The following LSS variants were observed in gnomAD, a reference collection of about 807,000 sequenced individuals.
LSS encodes 2,3-epoxysqualene-lanosterol cyclase.
In LSS, 90 loss-of-function variants were observed where a neutral mutation model predicts 110.3. The observed-to-expected ratio is 0.82, with a 90% confidence interval of 0.69 to 0.97. The LOEUF (loss-of-function observed/expected upper bound fraction) is 0.97, where lower values mean the gene tolerates loss of function less well. Among genes scored for constraint, LSS ranks in the 50% least tolerant of loss-of-function variants. The probability of loss-of-function intolerance (pLI) is 0.00; values close to 1 mark genes in which losing one functional copy is unlikely to be tolerated. For missense variants in LSS, 927 were observed against 990.0 expected (o/e 0.94, Z 0.85); for synonymous variants, 433 against 400.0 (o/e 1.08, Z -0.98).
At chr21:46,207,831 G>T (rs983444449) in intron 14 of LSS, among the ~76,000 whole-genome samples, 1 of 152,200 alleles carries the variant, frequency 6.6e-6, no homozygotes, top group Non-Finnish European at 1.5e-5. Flanking sequence ...ACAGGATGGG[G>T]CCCAGGTGCC....
In LSS at chr21:46,215,187, A is replaced by G; in HGVS notation, c.1004T>C (p.Ile335Thr). 6.2e-7 allele frequency: 1 copy of G among 1,609,856 alleles called. No homozygotes were observed. Residue 335 changes from isoleucine (I) to threonine (T), a missense_variant, in exon 9 of 22, where the codon ATC (isoleucine) becomes ACC (threonine). By Grantham distance (89) the Ile-to-Thr change is moderately conservative. Transcript: ENST00000397728. ...CCGGGCAGGGGCACTGACCGGGCCG[A>G]TGCTGATGCTCTTGGTGAATCGGTC... ...ADDRFTKSIS[I>T]GPISKTINML...
At chr21:46,192,004 A>C in intron 20 of LSS, 45 bp from the exon 21 acceptor site, 2 of 1,377,886 alleles carry the variant, frequency 1.5e-6, no homozygotes, top group East Asian at 4.6e-5. Flanking sequence ...GCATGCCCCC[A>C]CAGCATCATC....
In LSS at chr21:46,223,860, G is replaced by A. The variant is rs1215958832; in HGVS notation, c.320-1122C>T. 2.6e-5 allele frequency among the ~76,000 whole-genome samples: 4 copies of A among 152,192 alleles called. No homozygotes were observed. In the South Asian group the frequency reaches 8.3e-4, roughly 31 times the overall value. On this transcript the variant is annotated intron_variant, in intron 3 of 21. Transcript: ENST00000397728. ...TCTGGGAAGACGCCCGTTGCCGAGCGGACGGTGGTCTAGCGGTAGCGAAAA... is the reference window on the plus strand; with the variant it reads ...TCTGGGAAGACGCCCGTTGCCGAGCAGACGGTGGTCTAGCGGTAGCGAAAA...
chr21:46,223,216 A>C (rs1024379987), intron 3 of LSS, among the ~76,000 whole-genome samples: 3 of 152,290 alleles, frequency 2.0e-5, no homozygotes, highest in South Asian at 4.1e-4. Context: ...CTGTTTCAAA[A>C]TTTTTTTACA....
At chr21:46,205,617 T>G (rs952943101) in intron 17 of LSS, among the ~76,000 whole-genome samples, 3 of 152,134 alleles carry the variant, frequency 2.0e-5, no homozygotes, top group African/African-American at 4.8e-5. Context: ...AGAGAGAAAA[T>G]CCATTTTTGT....
intron 3 of LSS, chr21:46,225,421 A>T: frequency 2.2e-6 from 1 of 449,268 alleles, no homozygotes; most frequent in Non-Finnish European, 4.4e-6. Context: ...TCAAGGAAAA[A>T]CACCCGCTAC....
chr21:46,221,823 C>T (rs2080282634), intron 5 of LSS, 31 bp downstream of exon 5: 1 of 1,613,326 alleles, frequency 6.2e-7, no homozygotes, highest in Non-Finnish European at 8.5e-7. Context: ...GACACGAACC[C>T]CTGGCCCAGC....
intron 12 of LSS, among the ~76,000 whole-genome samples, chr21:46,210,121 C>T: frequency 7.3e-6 from 1 of 137,108 alleles, no homozygotes. Context: ...GGCTGGAGTG[C>T]AGTGGCACAA....
At chr21:46,214,105 G>A (rs1170395739) in intron 9 of LSS, among the ~76,000 whole-genome samples, 1 of 152,218 alleles carries the variant, frequency 6.6e-6, no homozygotes, top group Non-Finnish European at 1.5e-5. Context: ...CCACCAGGGA[G>A]AAGCGAGGGG....
At position 46,196,271 on chromosome 21, in the gene LSS, G is replaced by A; in HGVS notation, c.1671-4C>T. 1 of 1,613,908 alleles carries A rather than the reference G, an allele frequency of 6.2e-7. No individual in the cohort carries two copies. ...TAAGCCCTGCGTGAGGGTCTCCCTG[G>A]AACACGAGATTGGTCCAGTGAACAT... On this transcript the variant is annotated splice_region_variant and splice_polypyrimidine_tract_variant and intron_variant, in intron 17 of 21. Transcript: ENST00000397728.
At chr21:46,192,408 C>T in intron 20 of LSS, 5 of 429,980 alleles carry the variant, frequency 1.2e-5, no homozygotes, top group South Asian at 8.7e-5. Context: ...CCAGACCCTG[C>T]TGCTCCTGCT....
intron 4 of LSS, chr21:46,222,332 C>T (rs890517729): frequency 1.9e-6 from 1 of 532,602 alleles, no homozygotes; most frequent in African/African-American, 1.9e-5. Flanking sequence ...TGCTGCCAGC[C>T]CAGAGTCAAG....
In LSS at chr21:46,213,747, T is replaced by C; in HGVS notation, c.1100A>G (p.Asp367Gly). The C allele has an allele frequency of 6.2e-7, 1 of 1,613,526 alleles. No individual in the cohort carries two copies. Among genetic ancestry groups the C allele is most frequent in the Non-Finnish European group, 8.5e-7 (1 of 1,179,690 alleles). The change falls in exon 10 of 22, where the codon GAC becomes GGC. Residue 367 changes from aspartate to glycine, a missense_variant. Physicochemically the swap from Asp to Gly is moderately conservative, Grantham distance 94 (BLOSUM62 -1). Transcript: ENST00000397728. Reference protein sequence around the residue: ...AFQEHVSRIPDYLWMGLDGMK... With the variant: ...AFQEHVSRIPGYLWMGLDGMK... ...TCCCAGCCACACTCACCAGAGATAGTCCGGGATTCTGGAGACATGCTCCTG... is the reference window on the plus strand; with the variant it reads ...TCCCAGCCACACTCACCAGAGATAGCCCGGGATTCTGGAGACATGCTCCTG...
In LSS at chr21:46,188,742, G is replaced by T. The variant is rs1601403226; in HGVS notation, c.*2362C>A. ...GATTTCTAAAGAAGACTGAAGGCAG[G>T]GATACTGACACTGAAGTCCTGCCTG... On this transcript the variant is annotated 3_prime_UTR_variant, in exon 22 of 22. Coordinates refer to ENST00000397728, the MANE Select transcript of LSS (RefSeq NM_002340.6). 2.1e-6 allele frequency: 1 copy of T among 471,068 alleles called. No homozygotes were observed. The highest frequency in any genetic ancestry group is 2.3e-5 in the Admixed American group (1 of 42,564). 29.2% of individuals were successfully genotyped at this position (471,068 alleles called of 1,614,324 possible). A position where few individuals can be genotyped will look rare whatever the true frequency, so the allele number is the denominator to read the frequency against.
In LSS at chr21:46,190,234, CTCCCCTGTGCATTTCTGTGTCCGTAAGTG is replaced by C. The variant is rs1032346122; in HGVS notation, c.*841_*869del. ...CCCCTCACCCCTGGTTATGCTCGGC[CTCCCCTGTGCATTTCTGTGTCCGTAAGTG>C]TCCCCTGTGCATTTCTGTGTCCACA... On this transcript the variant is annotated 3_prime_UTR_variant, in exon 22 of 22. Coordinates refer to ENST00000397728, the MANE Select transcript of LSS (RefSeq NM_002340.6). The surrounding 1 kb of genome is among the most constrained non-coding windows in gnomAD (Gnocchi z 4.6). 8.5e-5 allele frequency: 15 copies of C among 176,800 alleles called. No individual in the cohort carries two copies. The highest frequency in any genetic ancestry group is 3.6e-4 in the East Asian group (2 of 5,588). 11.0% of individuals were successfully genotyped at this position (176,800 alleles called of 1,614,324 possible). A position where few individuals can be genotyped will look rare whatever the true frequency, so the allele number is the denominator to read the frequency against.
chr21:46,212,953 C>T, intron 11 of LSS, 72 bp downstream of exon 11: 3 of 1,590,376 alleles, frequency 1.9e-6, no homozygotes, highest in Non-Finnish European at 2.6e-6. Flanking sequence ...ATTTCTGAAC[C>T]CCAAAGGAAA....
chr21:46,227,113 T>C (rs28363931), intron 3 of LSS, among the ~76,000 whole-genome samples: 6,885 of 152,310 alleles, frequency 0.045, 376 homozygotes, highest in African/African-American at 0.13. Flanking sequence ...CCAACTGCTA[T>C]GCTCCTCCTA....
chr21:46,198,976 G>A (rs911455287), intron 17 of LSS, among the ~76,000 whole-genome samples: 2 of 152,024 alleles, frequency 1.3e-5, no homozygotes, highest in Non-Finnish European at 2.9e-5. Context: ...GTACCCTTGG[G>A]CTTGGCAGTA....
chr21:46,194,678 C>T lies in LSS; in HGVS notation c.1818-17G>A. The T allele has an allele frequency of 3.1e-6, 5 of 1,606,732 alleles. No homozygotes were observed. The highest frequency in any genetic ancestry group is 4.2e-6 in the Non-Finnish European group (5 of 1,178,370). On this transcript the variant is annotated splice_polypyrimidine_tract_variant and intron_variant, in intron 19 of 21. Transcript: ENST00000397728. ...CAGGCAGTCCTGCAAAGACCAGAGACAGGAGACACCATCACACCAAGGAAG... is the reference window on the plus strand; with the variant it reads ...CAGGCAGTCCTGCAAAGACCAGAGATAGGAGACACCATCACACCAAGGAAG...
Sources: gnomAD v4.1 joint callset for allele counts (sites outside exome capture counted in the v4.1 genomes callset) on GRCh38, gnomAD v4.1.1 for gene constraint, Gnocchi (gnomAD v3.1) non-coding constraint, MANE v1.5 for transcripts, NCBI Gene and HGNC (gene_info 2026-07-23, HGNC 2026-07-21) for gene names.